The following MICAL3 variants were observed in gnomAD, a reference collection of about 807,000 sequenced individuals.
MICAL3 encodes the protein microtubule associated monooxygenase, calponin and LIM domain containing 3.
Under a neutral mutation model 207.4 loss-of-function variants are expected in MICAL3, and 62 were observed. The ratio of observed to expected loss-of-function variants is 0.30; its 90% CI spans 0.24 to 0.37. The LOEUF is 0.37. MICAL3 is among the 10% of genes least tolerant of loss of function. The pLI is 1.00. For missense variants in MICAL3, 2,368 were observed against 2,635.6 expected (o/e 0.90, Z 2.22); for synonymous variants, 1,077 against 1,069.3 (o/e 1.01, Z -0.14).
intron 1 of MICAL3, among the ~76,000 whole-genome samples, chr22:17,964,065 A>G (rs445583): frequency 0.24 from 36,253 of 152,200 alleles, 4,922 homozygotes; most frequent in East Asian, 0.52. Context: ...GGCCTTCCCC[A>G]AAGGCAGACA....
At chr22:17,947,344 G>A (rs899236817) in intron 1 of MICAL3, among the ~76,000 whole-genome samples, 2 of 152,170 alleles carry the variant, frequency 1.3e-5, no homozygotes, top group African/African-American at 2.4e-5. Context: ...CTGGGACAAG[G>A]AAATCCCTTA....
intron 1 of MICAL3, among the ~76,000 whole-genome samples, chr22:17,943,941 A>G (rs1234883363): frequency 2.6e-5 from 4 of 151,974 alleles, no homozygotes; most frequent in African/African-American, 9.7e-5. Flanking sequence ...GAGGACAAAA[A>G]CCTTTCTATG....
At chr22:18,017,223 T>A (rs1331031757) in intron 1 of MICAL3, among the ~76,000 whole-genome samples, 5 of 152,060 alleles carry the variant, frequency 3.3e-5, no homozygotes, top group Non-Finnish European at 7.4e-5. Flanking sequence ...AACTTTTTTT[T>A]TTTTTTTGAG....
chr22:17,989,047 G>A (rs564387400), intron 1 of MICAL3, among the ~76,000 whole-genome samples: 23 of 152,130 alleles, frequency 1.5e-4, no homozygotes, highest in Admixed American at 4.6e-4. Flanking sequence ...CAGTTCTCCC[G>A]CCTCCACAAG....
intron 1 of MICAL3, among the ~76,000 whole-genome samples, chr22:17,958,705 A>C (rs5747434): frequency 7.4e-6 from 1 of 135,616 alleles, no homozygotes. Flanking sequence ...GGGTTTTTTT[A>C]TTTTTTTTTT....
chr22:18,018,395 T>C (rs1602407750), intron 1 of MICAL3, among the ~76,000 whole-genome samples: 1 of 152,194 alleles, frequency 6.6e-6, no homozygotes, highest in Non-Finnish European at 1.5e-5. Flanking sequence ...ATAAGAAATA[T>C]ATTTTGCATC....
Position 17,790,908 on chromosome 22 carries a change from T to C in MICAL3, c.5833A>G (p.Lys1945Glu). Residue 1945 changes from lysine (K) to glutamate (E), a missense_variant, in exon 32 of 32, where the codon AAG becomes GAG. By Grantham distance (56) the Lys-to-Glu change is moderately conservative. Around this residue, in one of 4 missense-constraint regions of MICAL3, gnomAD observed 1,770 missense variants for 1,863.2 expected, o/e 0.95. Transcript: ENST00000441493. ...TCTTCTGACAGCTCCTCCTCAGTCTTAAGGTGATCTTGAAGGAGAAGAAGG... is the reference window on the plus strand; with the variant it reads ...TCTTCTGACAGCTCCTCCTCAGTCTCAAGGTGATCTTGAAGGAGAAGAAGG... ...RERMAVEDHL[K>E]TEEELSEEKQ... The C allele has an allele frequency of 1.2e-6, 2 of 1,613,742 alleles. No individual in the cohort carries two copies. The highest frequency in any genetic ancestry group is 1.7e-6 in the Non-Finnish European group (2 of 1,179,886).
intron 27 of MICAL3, chr22:17,812,374 C>T: frequency 8.5e-6 from 2 of 235,796 alleles, no homozygotes; most frequent in South Asian, 1.6e-4. Context: ...GTACTGCTGC[C>T]AGTGTGTGCC....
chr22:17,984,591 T>C (rs1175324755), intron 1 of MICAL3, among the ~76,000 whole-genome samples: 2 of 136,636 alleles, frequency 1.5e-5, no homozygotes, highest in African/African-American at 5.4e-5. Flanking sequence ...GATGGGCTGC[T>C]TTGCCCCAGG....
At chr22:17,819,802 G>C (rs895495019) in intron 25 of MICAL3, among the ~76,000 whole-genome samples, 1 of 151,774 alleles carries the variant, frequency 6.6e-6, no homozygotes, top group African/African-American at 2.4e-5. Context: ...AATTAGGCAG[G>C]TGTGGTGGTG....
At chr22:17,879,029 T>C (rs1177109262) in intron 16 of MICAL3, among the ~76,000 whole-genome samples, 1 of 152,164 alleles carries the variant, frequency 6.6e-6, no homozygotes, top group Admixed American at 6.5e-5. Context: ...GCACATAGTT[T>C]GGGGGTAGAA....
intron 16 of MICAL3, chr22:17,872,758 T>C (rs1185957105): frequency 1.2e-6 from 2 of 1,607,492 alleles, no homozygotes; most frequent in Non-Finnish European, 8.5e-7. Context: ...AGTTCCTTCT[T>C]GTCTAGAAGG....
intron 11 of MICAL3, among the ~76,000 whole-genome samples, chr22:17,891,860 T>C (rs1249531491): frequency 6.6e-6 from 1 of 152,194 alleles, no homozygotes; most frequent in East Asian, 1.9e-4. Flanking sequence ...GACTCTAAGG[T>C]CAACGTCCAC....
chr22:17,863,500 GA>G, intron 19 of MICAL3: 1 of 985,396 alleles, frequency 1.0e-6, no homozygotes, highest in Non-Finnish European at 1.2e-6. Flanking sequence ...TACTTCACGA[GA>G]AAGATGGATT....
At chr22:17,797,711 T>C (rs1173542438) in intron 29 of MICAL3, among the ~76,000 whole-genome samples, 1 of 152,226 alleles carries the variant, frequency 6.6e-6, no homozygotes, top group Admixed American at 6.5e-5. Flanking sequence ...ACATGAATCA[T>C]GGCCTGTGGT....
At chr22:17,865,011 A>G (rs1926926878) in intron 18 of MICAL3, 25 bp from the exon 19 acceptor site, 11 of 1,588,910 alleles carry the variant, frequency 6.9e-6, no homozygotes, top group Non-Finnish European at 9.5e-6. Flanking sequence ...GAGAAAAAGA[A>G]GAGTGACTCT....
intron 1 of MICAL3, among the ~76,000 whole-genome samples, chr22:17,975,113 A>T (rs1935578611): frequency 6.6e-6 from 1 of 152,220 alleles, no homozygotes; most frequent in Admixed American, 6.5e-5. Flanking sequence ...CTTCTTTGAA[A>T]GAACTGTCAG....
intron 17 of MICAL3, among the ~76,000 whole-genome samples, chr22:17,867,016 C>G (rs1304615322): frequency 6.6e-6 from 1 of 152,160 alleles, no homozygotes; most frequent in Non-Finnish European, 1.5e-5. Context: ...AATGAGCTTT[C>G]CTGATCTCAA....
intron 21 of MICAL3, among the ~76,000 whole-genome samples, chr22:17,828,163 A>T (rs1387347716): frequency 6.6e-6 from 1 of 152,216 alleles, no homozygotes; most frequent in Non-Finnish European, 1.5e-5. Flanking sequence ...GCCCAGCCCC[A>T]AGGGGTCACA....
Sources: gnomAD v4.1 joint callset for allele counts (sites outside exome capture counted in the v4.1 genomes callset) on GRCh38, gnomAD v4.1.1 for gene constraint, gnomAD v4.1.1 regional missense constraint, MANE v1.5 for transcripts, NCBI Gene and HGNC (gene_info 2026-07-23, HGNC 2026-07-21) for gene names.